Variants in DISC1 observed in about 807,000 individuals in gnomAD.
DISC1 encodes disrupted in schizophrenia 1 protein.
A neutral mutation model predicts 84.5 loss-of-function variants in DISC1; 57 were observed. That is an observed-to-expected ratio of 0.67 (90% CI 0.55 to 0.84). The LOEUF (loss-of-function observed/expected upper bound fraction) is 0.84, where lower values mean the gene tolerates loss of function less well. DISC1 is among the 40% of genes least tolerant of loss of function. The pLI is 0.00. For missense variants in DISC1, 1,000 were observed against 1,057.8 expected, an observed-to-expected ratio of 0.95 and a Z score of 0.76; for synonymous variants, 411 against 415.2, an observed-to-expected ratio of 0.99 and a Z score of 0.12.
intron 3 of DISC1, among the ~76,000 whole-genome samples, chr1:231,749,655 T>G (rs1053655708): frequency 6.6e-6 from 1 of 152,214 alleles, no homozygotes; most frequent in African/African-American, 2.4e-5. Context: ...TCCCTCTGTG[T>G]GAAGACCATA....
intron 12 of DISC1, among the ~76,000 whole-genome samples, chr1:232,030,454 C>T (rs1474295387): frequency 6.6e-6 from 1 of 152,178 alleles, no homozygotes; most frequent in African/African-American, 2.4e-5. Context: ...TCTGCCTGGC[C>T]CTCAGTCATA....
At chr1:231,714,548 CAGAGACAGAGAGAA>C (rs763428083) in intron 3 of DISC1, among the ~76,000 whole-genome samples, 62 of 151,244 alleles carry the variant, frequency 4.1e-4, no homozygotes, top group Middle Eastern at 6.8e-3. Flanking sequence ...ATGTATGAAA[CAGAGACAGAGAGAA>C]AGAGACAGAG....
intron 12 of DISC1, among the ~76,000 whole-genome samples, chr1:232,032,344 T>G (rs1023450150): frequency 6.6e-6 from 1 of 152,218 alleles, no homozygotes; most frequent in Non-Finnish European, 1.5e-5. Flanking sequence ...AGACTCCATC[T>G]AAAGAATTCC....
chr1:231,815,520 C>T (rs981275374), intron 8 of DISC1, among the ~76,000 whole-genome samples: 12 of 152,164 alleles, frequency 7.9e-5, no homozygotes, highest in East Asian at 3.9e-4. Context: ...GGGTGGATCA[C>T]GAGGTCAGGA....
rs534507948 is a variant in DISC1, at chr1:232,008,974, C to A, written c.2232C>A (p.Thr744=). The change falls in exon 11 of 13, where the codon ACC becomes ACA. Residue 744 remains threonine (T), a synonymous_variant. Transcript: ENST00000439617. ...PRLHSEDKRK[T]PLKVLEEWKT... Reference sequence around the variant, plus strand: ...TCCACTCCGAGGATAAAAGGAAGACCCCTTTGAAGGTATTGGAAGAATGGA... The same window carrying A: ...TCCACTCCGAGGATAAAAGGAAGACACCTTTGAAGGTATTGGAAGAATGGA... 7 of 1,613,768 alleles carry A rather than the reference C, an allele frequency of 4.3e-6. No individual in the cohort carries two copies. The highest frequency in any genetic ancestry group is 2.2e-5 in the East Asian group (1 of 44,850).
At chr1:231,649,669 C>G (rs2125270386) in intron 1 of DISC1, among the ~76,000 whole-genome samples, 1 of 152,188 alleles carries the variant, frequency 6.6e-6, no homozygotes, top group South Asian at 2.1e-4. Context: ...TAAAAGTCTC[C>G]CATTATTATT....
chr1:231,778,318 G>A (rs1484604374), intron 6 of DISC1, among the ~76,000 whole-genome samples: 2 of 152,248 alleles, frequency 1.3e-5, no homozygotes, highest in Admixed American at 6.5e-5. Context: ...TTTGAACTGG[G>A]TGGCGTGGAA....
chr1:231,777,176 A>G (rs945802873), intron 6 of DISC1, among the ~76,000 whole-genome samples: 1 of 152,020 alleles, frequency 6.6e-6, no homozygotes, highest in Non-Finnish European at 1.5e-5. Flanking sequence ...AGAGCTTTGC[A>G]TTTTTCTAGG....
At chr1:231,888,269 G>A (rs539049088) in intron 9 of DISC1, among the ~76,000 whole-genome samples, 10 of 152,298 alleles carry the variant, frequency 6.6e-5, no homozygotes, top group African/African-American at 2.2e-4. Flanking sequence ...TCTGGAAGGC[G>A]TGCTGGCCCT....
At chr1:231,860,794 A>G (rs2084587385) in intron 9 of DISC1, among the ~76,000 whole-genome samples, 1 of 152,012 alleles carries the variant, frequency 6.6e-6, no homozygotes, top group South Asian at 2.1e-4. Flanking sequence ...AATGAGACAC[A>G]TTTCCCTACC....
intron 1 of DISC1, chr1:231,685,094 C>T (rs1480107452): frequency 6.6e-6 from 1 of 152,276 alleles, no homozygotes; most frequent in Non-Finnish European, 1.5e-5. Flanking sequence ...AAGCCCAGTG[C>T]AAGATTCTGT....
chr1:231,792,076 A>G (rs2078391549), intron 6 of DISC1, among the ~76,000 whole-genome samples: 1 of 152,206 alleles, frequency 6.6e-6, no homozygotes, highest in Non-Finnish European at 1.5e-5. Flanking sequence ...TGCTCCCCCA[A>G]CAATTGCTTT....
At chr1:231,984,903 C>T (rs182072245) in intron 10 of DISC1, among the ~76,000 whole-genome samples, 49 of 152,202 alleles carry the variant, frequency 3.2e-4, no homozygotes, top group African/African-American at 1.1e-3. Context: ...AAGCTTAGCA[C>T]GGGGTCAAGA....
At chr1:231,986,044 C>G (rs1163681275) in intron 10 of DISC1, among the ~76,000 whole-genome samples, 1 of 152,214 alleles carries the variant, frequency 6.6e-6, no homozygotes, top group Non-Finnish European at 1.5e-5. Context: ...ACCAGATGCT[C>G]TTCAGCCTGT....
chr1:231,684,825 A>G (rs2125581713), intron 1 of DISC1: 1 of 152,330 alleles, frequency 6.6e-6, no homozygotes, highest in African/African-American at 2.4e-5. Flanking sequence ...CCAGGAGTCA[A>G]ATCTCTAGCC....
intron 4 of DISC1, among the ~76,000 whole-genome samples, chr1:231,759,942 A>C (rs1463903108): frequency 6.6e-6 from 1 of 152,190 alleles, no homozygotes; most frequent in Non-Finnish European, 1.5e-5. Flanking sequence ...ATTGGATTAT[A>C]AATAAAAGCT....
At chr1:231,974,148 G>T (rs908876163) in intron 10 of DISC1, among the ~76,000 whole-genome samples, 1 of 152,166 alleles carries the variant, frequency 6.6e-6, no homozygotes, top group African/African-American at 2.4e-5. Flanking sequence ...CATGATTGGG[G>T]TGTCTGGGAC....
chr1:231,766,554 G>T (rs975210152), intron 4 of DISC1, among the ~76,000 whole-genome samples: 1 of 152,172 alleles, frequency 6.6e-6, no homozygotes, highest in Admixed American at 6.5e-5. Context: ...GTGCAAAGCA[G>T]AAGATTCTAA....
At chr1:231,956,348 T>C (rs935757355) in intron 9 of DISC1, among the ~76,000 whole-genome samples, 1 of 152,202 alleles carries the variant, frequency 6.6e-6, no homozygotes, top group African/African-American at 2.4e-5. Flanking sequence ...GCCTTTCTCT[T>C]GTTAACCTGT....
Sources: allele counts gnomAD v4.1 joint callset (sites outside exome capture counted in the v4.1 genomes callset), GRCh38; gene constraint gnomAD v4.1.1; transcripts MANE v1.5; gene names NCBI Gene and HGNC (gene_info 2026-07-23, HGNC 2026-07-21).